Variants in CDH22 observed in about 807,000 individuals in gnomAD.
CDH22 encodes cadherin 22.
In CDH22, 30 loss-of-function variants were observed where a neutral mutation model predicts 58.4. The ratio of observed to expected loss-of-function variants is 0.51; its 90% CI spans 0.38 to 0.70. The LOEUF (loss-of-function observed/expected upper bound fraction) is 0.70. Ranked by LOEUF, CDH22 falls within the 30% of genes least tolerant of loss-of-function variation. The pLI, the probability that CDH22 is intolerant of heterozygous loss-of-function variation, is 0.00. For synonymous variants in CDH22, 513 were observed against 558.2 expected (o/e 0.92, Z 1.14); for missense variants, 1,014 against 1,233.9 (o/e 0.82, Z 2.67).
intron 7 of CDH22, among the ~76,000 whole-genome samples, chr20:46,207,251 G>C (rs915613869): frequency 1.3e-5 from 2 of 152,242 alleles, no homozygotes; most frequent in East Asian, 1.9e-4. Context: ...TTTCAGTGCA[G>C]ATAAAAGCAG....
In CDH22 at chr20:46,207,435, T is replaced by C. The variant is rs192133110; in HGVS notation, c.1286+2872A>G. Among the ~76,000 whole-genome samples, 192 of 152,296 alleles carry C rather than the reference T, an allele frequency of 1.3e-3. 1 individual carries two copies. The highest frequency in any genetic ancestry group is 4.6e-3 in the African/African-American group (191 of 41,556). ...GCCTGCAGAATCCTCCTCCCCTCCC[T>C]GGGCCTCAACTCCCAGACAAACAGA... On this transcript the variant is annotated intron_variant, in intron 7 of 11. Coordinates refer to ENST00000537909, the MANE Select transcript of CDH22 (RefSeq NM_021248.3).
intron 1 of CDH22, among the ~76,000 whole-genome samples, chr20:46,267,578 C>T (rs2086467160): frequency 6.6e-6 from 1 of 152,278 alleles, no homozygotes; most frequent in African/African-American, 2.4e-5. Flanking sequence ...CTTCCATTCC[C>T]TGACTCAGCT....
intron 1 of CDH22, among the ~76,000 whole-genome samples, chr20:46,301,939 G>T (rs1388038065): frequency 6.6e-6 from 1 of 152,188 alleles, no homozygotes; most frequent in Non-Finnish European, 1.5e-5. Context: ...CTGGGCTCCT[G>T]GACAGGAGGT....
chr20:46,186,074 C>T (rs2085822821), intron 10 of CDH22, among the ~76,000 whole-genome samples: 1 of 151,782 alleles, frequency 6.6e-6, no homozygotes, highest in African/African-American at 2.4e-5. Flanking sequence ...AGTAGCTGGG[C>T]ATGGTGGCAC....
chr20:46,233,008 C>T (rs916101232), intron 3 of CDH22, among the ~76,000 whole-genome samples: 5 of 152,106 alleles, frequency 3.3e-5, no homozygotes, highest in Admixed American at 6.5e-5. Context: ...GACAGAAGTT[C>T]GTGGGGCAGA....
intron 1 of CDH22, among the ~76,000 whole-genome samples, chr20:46,265,945 T>C (rs1158622975): frequency 2.0e-5 from 3 of 148,052 alleles, no homozygotes; most frequent in Admixed American, 2.0e-4. Context: ...TTCACACAGA[T>C]ACACACACAC....
chr20:46,274,985 G>C (rs1219650448), intron 1 of CDH22, among the ~76,000 whole-genome samples: 1 of 152,130 alleles, frequency 6.6e-6, no homozygotes, highest in Admixed American at 6.5e-5. Flanking sequence ...GGCTCTTTCT[G>C]GGGTGAAAGG....
rs758949692 is a variant in CDH22, at chr20:46,241,218, A to G, written c.295T>C (p.Tyr99His). 12 of 1,612,832 alleles carry G rather than the reference A, an allele frequency of 7.4e-6. No homozygotes were observed. Among genetic ancestry groups the G allele is most frequent in the Non-Finnish European group, 1.0e-5 (12 of 1,179,164 alleles). ...CCAGCACCCTCGCCTGAGATGGTGTACTTGATGGCCCCGTCACCCTCGTCT... is the reference window on the plus strand; with the variant it reads ...CCAGCACCCTCGCCTGAGATGGTGTGCTTGATGGCCCCGTCACCCTCGTCT... ...DSDEGDGAIK[Y>H]TISGEGAGTI... Residue 99 changes from tyrosine (Y) to histidine (H), a missense_variant, in exon 3 of 12, where the codon TAC becomes CAC. Transcript: ENST00000537909. This position sits in a 1 kb window ranked among gnomAD's most constrained non-coding sequence, Gnocchi z 5.2.
rs1568651614 is a variant in CDH22 at position 46,186,834 on chromosome 20, G to GGTA, written c.1536_1537insTAC (p.Lys512_Pro513insTyr). On this transcript the variant is annotated inframe_insertion, in exon 9 of 12. Transcript: ENST00000537909. ...CACCCCCTCAGGGGTACCTGGCCTGGCTTGGCATCCTCGCATACAGCTGCC... is the reference window on the plus strand; with the variant it reads ...CACCCCCTCAGGGGTACCTGGCCTGGGTACTTGGCATCCTCGCATACAGCTGCC... 6.2e-7 allele frequency: 1 copy of GGTA among 1,604,440 alleles called. No individual in the cohort carries two copies. Among genetic ancestry groups the GGTA allele is most frequent in the Admixed American group, 1.7e-5 (1 of 59,178 alleles).
chr20:46,213,104 T>C lies in CDH22; in HGVS notation c.923A>G (p.Glu308Gly). The change falls in exon 6 of 12, where the codon GAG becomes GGG. Residue 308 changes from glutamate (E) to glycine (G), a missense_variant. Transcript: ENST00000537909. ...RVKAEDSDVGENTDMTYHLKD... is the reference protein window; with the variant it reads ...RVKAEDSDVGGNTDMTYHLKD... ...AAGGTGGTAAGTCATGTCTGTGTTC[T>C]CTCCCACGTCTGAGTCCTCAGCCTT... is the stretch of plus-strand genomic sequence containing the variant. The C allele has an allele frequency of 6.2e-7, 1 of 1,614,148 alleles. No individual in the cohort carries two copies. The highest frequency in any genetic ancestry group is 1.7e-5 in the Admixed American group (1 of 60,018).
At chr20:46,255,324 T>A (rs1466793726) in intron 1 of CDH22, among the ~76,000 whole-genome samples, 2 of 152,114 alleles carry the variant, frequency 1.3e-5, no homozygotes, top group Non-Finnish European at 2.9e-5. Flanking sequence ...GATCCCCACT[T>A]TACAGAGGGG....
intron 8 of CDH22, among the ~76,000 whole-genome samples, chr20:46,194,398 T>C (rs1042425143): frequency 6.6e-6 from 1 of 152,212 alleles, no homozygotes; most frequent in Non-Finnish European, 1.5e-5. Flanking sequence ...CCAGCCTCCT[T>C]AGGCCTCCTC....
At chr20:46,186,265 C>T (rs897155459) in intron 10 of CDH22, among the ~76,000 whole-genome samples, 1 of 151,518 alleles carries the variant, frequency 6.6e-6, no homozygotes, top group Non-Finnish European at 1.5e-5. Context: ...AGTGTGTGCA[C>T]GTGGCTTACT....
At chr20:46,229,979 C>A (rs1220171711) in intron 3 of CDH22, among the ~76,000 whole-genome samples, 1 of 152,114 alleles carries the variant, frequency 6.6e-6, no homozygotes, top group East Asian at 1.9e-4. Context: ...TTCCCCAATC[C>A]AGGATTCTTT....
intron 7 of CDH22, among the ~76,000 whole-genome samples, chr20:46,199,889 CTTTCTTTTCT>C (rs997135587): frequency 6.6e-6 from 1 of 152,174 alleles, no homozygotes; most frequent in African/African-American, 2.4e-5. Context: ...ATACTCTCTT[CTTTCTTTTCT>C]TTTCTTTTCT....
intron 8 of CDH22, among the ~76,000 whole-genome samples, chr20:46,197,295 G>GATATATATATATATATATATATATGT (rs34730995): frequency 7.0e-6 from 1 of 141,972 alleles, no homozygotes; most frequent in African/African-American, 2.6e-5. Flanking sequence ...TCTAGGCCAG[G>GATATATATATATATATATATATATGT]ATATATATAT....
intron 4 of CDH22, among the ~76,000 whole-genome samples, chr20:46,221,993 C>T (rs569110499): frequency 6.6e-6 from 1 of 152,268 alleles, no homozygotes; most frequent in South Asian, 2.1e-4. Context: ...TGGGGCCAGA[C>T]AGATATGGGC....
chr20:46,251,505 C>T lies in CDH22; in HGVS notation c.-211G>A. 2.3e-6 allele frequency: 1 copy of T among 431,266 alleles called. No individual in the cohort carries two copies. The highest frequency in any genetic ancestry group is 9.1e-5 in the South Asian group (1 of 10,964). The allele number at this position is 431,266 out of a possible 1,614,324, so 26.7% of individuals were successfully genotyped here. ...CGGCTGGAGGGGGAGGGGGCGCGGC[C>T]GCATCCGGGGCATGGACAGCCCCCG... is the stretch of plus-strand genomic sequence containing the variant. On this transcript the variant is annotated 5_prime_UTR_variant, in exon 2 of 12. Coordinates refer to ENST00000537909, the MANE Select transcript of CDH22 (RefSeq NM_021248.3). The surrounding 1 kb of genome is among the most constrained non-coding windows in gnomAD (Gnocchi z 6.7).
rs1339862118 is a variant in CDH22 at position 46,216,983 on chromosome 20, C to G, written c.681G>C (p.Arg227=). The change falls in exon 5 of 12, where the codon CGG becomes CGC. Residue 227 remains arginine, a synonymous_variant. Coordinates refer to ENST00000537909, the MANE Select transcript of CDH22 (RefSeq NM_021248.3). This position sits in a 1 kb window ranked among gnomAD's most constrained non-coding sequence, Gnocchi z 5.3. ...CGCGGTCAAGGTCAGGCACAGCCGT[C>G]CGGATTACGCCTGTGGGTGAGTGAG... is the stretch of plus-strand genomic sequence containing the variant. The part of the protein sequence containing the change: ...FTVDPKTGVI[R]TAVPDLDRES... 8 of 1,590,600 alleles carry G rather than the reference C, an allele frequency of 5.0e-6. No homozygotes were observed. The highest frequency in any genetic ancestry group is 6.9e-6 in the Non-Finnish European group (8 of 1,162,618).
Sources: allele counts gnomAD v4.1 joint callset (sites outside exome capture counted in the v4.1 genomes callset), GRCh38; gene constraint gnomAD v4.1.1; non-coding constraint Gnocchi (gnomAD v3.1); transcripts MANE v1.5; gene names NCBI Gene and HGNC (gene_info 2026-07-23, HGNC 2026-07-21).